The following SMURF2 variants were observed in gnomAD, a reference collection of about 807,000 sequenced individuals.
SMURF2 encodes the protein E3 ubiquitin-protein ligase SMURF2.
A neutral mutation model predicts 109.6 loss-of-function variants in SMURF2; 48 were observed. That is an observed-to-expected ratio of 0.44 (90% CI 0.35 to 0.56). The LOEUF (loss-of-function observed/expected upper bound fraction) is 0.56, where lower values mean the gene tolerates loss of function less well. SMURF2 is among the 20% of genes least tolerant of loss of function. The pLI is 0.01. For synonymous variants in SMURF2, 288 were observed against 317.1 expected, an observed-to-expected ratio of 0.91 and a Z score of 0.97; for missense variants, 575 against 909.0, an observed-to-expected ratio of 0.63 and a Z score of 4.72.
At position 64,543,338 on chromosome 17, in the gene SMURF2, G is replaced by T. The variant is rs915235598; in HGVS notation, c.*2510C>A. The T allele has an allele frequency of 5.3e-5, 8 of 150,564 alleles. No individual in the cohort carries two copies. Among genetic ancestry groups the T allele is most frequent in the Admixed American group, 4.7e-4 (7 of 15,032 alleles). The allele number at this position is 150,564 out of a possible 1,614,324, so 9.3% of individuals were successfully genotyped here. On this transcript the variant is annotated 3_prime_UTR_variant, in exon 19 of 19. Transcript: ENST00000262435. ...CGCCCAGGCTGGAGTGCAGTGGTGC[G>T]ATCTCGGCTCACTGCAATCTCTGCC...
At chr17:64,629,895 T>C (rs574432431) in intron 1 of SMURF2, among the ~76,000 whole-genome samples, 1 of 152,312 alleles carries the variant, frequency 6.6e-6, no homozygotes, top group African/African-American at 2.4e-5. Context: ...TGGGGGGATG[T>C]TGAATCCATA....
At chr17:64,577,244 G>T (rs1302837993) in intron 9 of SMURF2, among the ~76,000 whole-genome samples, 1 of 152,020 alleles carries the variant, frequency 6.6e-6, no homozygotes, top group Non-Finnish European at 1.5e-5. Context: ...ATGAGTTCAT[G>T]TCCTTTGTAG....
intron 4 of SMURF2, 161 bp downstream of exon 4, chr17:64,593,279 T>C: frequency 4.8e-6 from 2 of 416,328 alleles, no homozygotes; most frequent in Non-Finnish European, 7.3e-6. Flanking sequence ...GCACAAGAAG[T>C]TGTGTTTGAA....
intron 1 of SMURF2, among the ~76,000 whole-genome samples, chr17:64,618,843 T>C (rs1343345365): frequency 5.3e-5 from 8 of 152,208 alleles, no homozygotes; most frequent in Admixed American, 2.0e-4. Flanking sequence ...GAGACACTTA[T>C]AGAGGCAGTG....
At chr17:64,645,288 G>A (rs550979593) in intron 1 of SMURF2, among the ~76,000 whole-genome samples, 1 of 152,136 alleles carries the variant, frequency 6.6e-6, no homozygotes, top group Admixed American at 6.5e-5. Flanking sequence ...AAATTCAGAG[G>A]AAGAAAAGAG....
chr17:64,583,598 C>A, intron 6 of SMURF2, 54 bp from the exon 7 acceptor site: 1 of 1,359,472 alleles, frequency 7.4e-7, no homozygotes, highest in East Asian at 2.3e-5. Flanking sequence ...GGACACAGTG[C>A]AACAAGCAAG....
At chr17:64,601,009 G>C (rs546091282) in intron 2 of SMURF2, among the ~76,000 whole-genome samples, 3 of 152,060 alleles carry the variant, frequency 2.0e-5, no homozygotes, top group Non-Finnish European at 2.9e-5. Context: ...AGCACTTTGG[G>C]AGGCTGAGGC....
chr17:64,560,363 C>A (rs1969195534), intron 12 of SMURF2, among the ~76,000 whole-genome samples: 1 of 152,132 alleles, frequency 6.6e-6, no homozygotes, highest in African/African-American at 2.4e-5. Flanking sequence ...TCCACAGAAA[C>A]TGTCAAGTCC....
chr17:64,630,791 G>A (rs543787508), intron 1 of SMURF2, among the ~76,000 whole-genome samples: 4 of 152,300 alleles, frequency 2.6e-5, no homozygotes, highest in Non-Finnish European at 5.9e-5. Flanking sequence ...GCTAAGGGCT[G>A]TCCTTTATAT....
chr17:64,577,704 T>C (rs1969515483), intron 9 of SMURF2, among the ~76,000 whole-genome samples: 1 of 151,618 alleles, frequency 6.6e-6, no homozygotes, highest in South Asian at 2.1e-4. Context: ...CAAGCAATCC[T>C]CTTGCCTCAG....
intron 2 of SMURF2, among the ~76,000 whole-genome samples, chr17:64,603,521 G>A (rs547544795): frequency 6.6e-6 from 1 of 151,290 alleles, no homozygotes; most frequent in South Asian, 2.1e-4. Context: ...GGCAGAGGTT[G>A]CAGTGAGCCG....
chr17:64,586,175 T>G lies in SMURF2; in HGVS notation c.401-5A>C, dbSNP rs1969650101. On this transcript the variant is annotated splice_polypyrimidine_tract_variant and splice_region_variant and intron_variant, in intron 5 of 18. Coordinates refer to ENST00000262435, the MANE Select transcript of SMURF2 (RefSeq NM_022739.4). ...GGTCTCTGGACTGAAGACTTACTAT[T>G]AAATGACAGAAATATTACTAAGATT... The G allele has an allele frequency of 1.3e-6, 2 of 1,579,864 alleles. No homozygotes were observed. Among genetic ancestry groups the G allele is most frequent in the East Asian group, 4.5e-5 (2 of 44,368 alleles).
intron 1 of SMURF2, among the ~76,000 whole-genome samples, chr17:64,659,264 A>C (rs1173894774): frequency 2.6e-5 from 4 of 152,222 alleles, no homozygotes; most frequent in Non-Finnish European, 4.4e-5. Flanking sequence ...TAAAGTTTAT[A>C]CAGCATCTTG....
intron 1 of SMURF2, among the ~76,000 whole-genome samples, chr17:64,630,439 C>T (rs557418305): frequency 1.3e-5 from 2 of 152,202 alleles, no homozygotes; most frequent in Non-Finnish European, 2.9e-5. Flanking sequence ...AGAAAAAGAA[C>T]CTGTTACTCT....
At chr17:64,623,678 C>T (rs1288902037) in intron 1 of SMURF2, among the ~76,000 whole-genome samples, 6 of 152,166 alleles carry the variant, frequency 3.9e-5, no homozygotes, top group South Asian at 2.1e-4. Flanking sequence ...CATCCTTTTC[C>T]GAGTTCCATT....
chr17:64,555,849 C>T lies in SMURF2; in HGVS notation c.1581G>A (p.Pro527=), dbSNP rs367740568. 94 of 1,611,896 alleles carry T rather than the reference C, an allele frequency of 5.8e-5. No homozygotes were observed. Among genetic ancestry groups the T allele is most frequent in the East Asian group, 1.6e-4 (7 of 44,758 alleles). ...ITLDDMELVD[P]DLHNSLVWIL... Reference sequence around the variant, plus strand: ...TCCACACTAAACTGTTGTGAAGATCCGGATCTACTAACTCCATGTCATCCA... The same window carrying T: ...TCCACACTAAACTGTTGTGAAGATCTGGATCTACTAACTCCATGTCATCCA... Residue 527 remains proline (P), a synonymous_variant, in exon 14 of 19, where the codon CCG becomes CCA. Coordinates refer to ENST00000262435, the MANE Select transcript of SMURF2 (RefSeq NM_022739.4).
chr17:64,555,106 G>A, intron 14 of SMURF2, 113 bp from the exon 15 acceptor site: 1 of 1,041,424 alleles, frequency 9.6e-7, no homozygotes, highest in Non-Finnish European at 1.4e-6. Flanking sequence ...ACAAATGTGA[G>A]GTCAGATTCT....
chr17:64,656,951 CA>C (rs1970714177), intron 1 of SMURF2, among the ~76,000 whole-genome samples: 1 of 152,158 alleles, frequency 6.6e-6, no homozygotes, highest in African/African-American at 2.4e-5. Flanking sequence ...CAGTAAGGTC[CA>C]AACTAGGTTG....
At chr17:64,577,597 AAAG>A (rs1323466271) in intron 9 of SMURF2, among the ~76,000 whole-genome samples, 2 of 151,490 alleles carry the variant, frequency 1.3e-5, no homozygotes, top group East Asian at 3.9e-4. Flanking sequence ...AAAAAAAAAA[AAAG>A]AGAGAGAGAG....
Sources: allele counts gnomAD v4.1 joint callset (sites outside exome capture counted in the v4.1 genomes callset), GRCh38; gene constraint gnomAD v4.1.1; transcripts MANE v1.5; gene names NCBI Gene and HGNC (gene_info 2026-07-23, HGNC 2026-07-21).